Variants in ATRX observed in about 807,000 individuals in gnomAD.
The protein encoded by ATRX is ATRX chromatin remodeler.
Under a neutral mutation model 172.6 loss-of-function variants are expected in ATRX, and 12 were observed. The ratio of observed to expected loss-of-function variants is 0.07; its 90% CI spans 0.04 to 0.11. The LOEUF (loss-of-function observed/expected upper bound fraction) is 0.11, where lower values mean the gene tolerates loss of function less well. Ranked by LOEUF, ATRX falls within the 10% of genes least tolerant of loss-of-function variation. The probability of loss-of-function intolerance (pLI) is 1.00; values close to 1 mark genes in which losing one functional copy is unlikely to be tolerated. For synonymous variants in ATRX, 674 were observed against 594.7 expected, an observed-to-expected ratio of 1.13 and a Z score of -1.94; for missense variants, 1,368 against 1,767.4, an observed-to-expected ratio of 0.77 and a Z score of 4.05.
At chrX:77,620,325 T>C in intron 20 of ATRX, 70 bp downstream of exon 20, 1 of 1,114,490 alleles carries the variant, frequency 9.0e-7, no homozygotes, top group Non-Finnish European at 1.2e-6. Context: ...GAAAGGTAAA[T>C]GGTAACGTTA....
rs45481398 is a variant in ATRX at position 77,664,888 on chromosome X, T to C, written c.3810-110A>G. On this transcript the variant is annotated intron_variant, in intron 10 of 34. Coordinates refer to ENST00000373344, the MANE Select transcript of ATRX (RefSeq NM_000489.6). Reference sequence around the variant, plus strand: ...ATCAAAATAGAAATAAATGTGCCAATAGATTTTATATTGTAAATAAACAAC... The same window carrying C: ...ATCAAAATAGAAATAAATGTGCCAACAGATTTTATATTGTAAATAAACAAC... The C allele has an allele frequency of 2.8e-3, 2,154 of 765,668 alleles. 55 individuals are homozygous for C. In the East Asian group the frequency reaches 0.069, roughly 24 times the overall value. The allele number at this position is 765,668 out of a possible 1,213,427, so 63.1% of individuals were successfully genotyped here.
In ATRX at chrX:77,777,035, C is replaced by A. The variant is rs146808659; in HGVS notation, c.20+8947G>T. 6.4e-4 allele frequency among the ~76,000 whole-genome samples: 70 copies of A among 109,383 alleles called. 1 individual carries two copies. The East Asian group carries it at 0.018, about 28-fold the overall frequency. 95.0% of individuals were successfully genotyped at this position (109,383 alleles called of 115,157 possible). On this transcript the variant is annotated intron_variant, in intron 1 of 34. Coordinates refer to ENST00000373344, the MANE Select transcript of ATRX (RefSeq NM_000489.6). ...ACTACAGTGCAAAAGCAGCCACAGA[C>A]AATGTAAATAAATGGACATAGGTGT...
intron 22 of ATRX, among the ~76,000 whole-genome samples, chrX:77,614,491 C>T (rs936724433): frequency 3.6e-5 from 4 of 112,123 alleles, no homozygotes; most frequent in Non-Finnish European, 7.5e-5. Context: ...TAGATATTTA[C>T]TCCTATCAAT....
At chrX:77,535,215 G>T (rs1602417172) in intron 30 of ATRX, among the ~76,000 whole-genome samples, 1 of 111,873 alleles carries the variant, frequency 8.9e-6, no homozygotes, top group East Asian at 2.8e-4. Flanking sequence ...CCTTGTATCA[G>T]ATTTTTTGGT....
intron 27 of ATRX, among the ~76,000 whole-genome samples, chrX:77,584,884 G>A (rs1356361361): frequency 9.0e-6 from 1 of 110,873 alleles, no homozygotes; most frequent in Non-Finnish European, 1.9e-5. Context: ...CACAGGATGG[G>A]AGAAAATATA....
chrX:77,702,473 T>C (rs1222114865), intron 2 of ATRX, among the ~76,000 whole-genome samples: 6 of 110,557 alleles, frequency 5.4e-5, no homozygotes, highest in Non-Finnish European at 1.1e-4. Flanking sequence ...AAAAGAACTA[T>C]GGGAATAAAA....
chrX:77,514,062 G>C lies in ATRX; in HGVS notation c.7201-5433C>G, dbSNP rs371996267. On this transcript the variant is annotated intron_variant, in intron 34 of 34. Transcript: ENST00000373344. ...AATACAGCTAACCAGGGAGGTAAAA[G>C]GTCTCTACAATGAGAACTCCAAAAG... is the stretch of plus-strand genomic sequence containing the variant. Among the ~76,000 whole-genome samples the C allele has an allele frequency of 4.5e-5, 5 of 111,114 alleles. No homozygotes were observed. The East Asian group carries it at 1.1e-3, about 25-fold the overall frequency.
At chrX:77,776,080 T>G (rs1454463956) in intron 1 of ATRX, among the ~76,000 whole-genome samples, 1 of 112,266 alleles carries the variant, frequency 8.9e-6, no homozygotes, top group Non-Finnish European at 1.9e-5. Context: ...GAGACACTGC[T>G]GAGAAAGCTG....
intron 3 of ATRX, 59 bp downstream of exon 3, chrX:77,698,515 G>A (rs1192366253): frequency 9.5e-7 from 1 of 1,049,792 alleles, no homozygotes; most frequent in East Asian, 3.0e-5. Flanking sequence ...GCAATCTAAA[G>A]ACATATGCTC....
chrX:77,742,653 A>G (rs1469544708), intron 1 of ATRX, among the ~76,000 whole-genome samples: 1 of 111,810 alleles, frequency 8.9e-6, no homozygotes, highest in African/African-American at 3.3e-5. Context: ...GCAAAAACCA[A>G]AATCTAGGAA....
chrX:77,728,770 T>TG (rs2074164945), intron 1 of ATRX, among the ~76,000 whole-genome samples: 2 of 106,605 alleles, frequency 1.9e-5, no homozygotes, highest in Non-Finnish European at 3.9e-5. Context: ...TTTTCTTTTT[T>TG]TTTTTTTGAG....
chrX:77,510,880 G>C (rs1321105686), intron 34 of ATRX, among the ~76,000 whole-genome samples: 1 of 112,868 alleles, frequency 8.9e-6, no homozygotes, highest in African/African-American at 3.2e-5. Context: ...CAGCCCAGAA[G>C]GGAAGGACAC....
intron 19 of ATRX, among the ~76,000 whole-genome samples, chrX:77,621,297 TA>T (rs1394379592): frequency 8.1e-5 from 9 of 111,681 alleles, no homozygotes; most frequent in African/African-American, 2.9e-4. Context: ...ATAACATACA[TA>T]TTTTTTTTCT....
chrX:77,681,767 T>C lies in ATRX; in HGVS notation c.3489A>G (p.Glu1163=). 2 of 1,200,052 alleles carry C rather than the reference T, an allele frequency of 1.7e-6. No homozygotes were observed. The highest frequency in any genetic ancestry group is 2.2e-6 in the Non-Finnish European group (2 of 892,331). The change falls in exon 9 of 35, where the codon GAA becomes GAG. Residue 1163 remains glutamate (E), a synonymous_variant. Transcript: ENST00000373344. The stretch of plus-strand genomic sequence containing the variant: ...TTCTTTGCTTCTTCTTTTTATTATC[T>C]TCAGAACTTTCCTCAGCATCAGATG... The part of the protein sequence containing the change: ...SSSSDAEESS[E]DNKKKKQRTS...
intron 1 of ATRX, among the ~76,000 whole-genome samples, chrX:77,736,178 C>T (rs1257961728): frequency 1.8e-5 from 2 of 111,094 alleles, no homozygotes; most frequent in African/African-American, 6.5e-5. Context: ...TGAACAATAC[C>T]CCACAAGCAC....
chrX:77,586,199 C>T (rs151258270), intron 27 of ATRX, among the ~76,000 whole-genome samples: 48 of 112,092 alleles, frequency 4.3e-4, no homozygotes, highest in African/African-American at 1.5e-3. Flanking sequence ...ATCCCATTTA[C>T]CCTGATGTAA....
chrX:77,696,762 C>T (rs1557150164), intron 4 of ATRX, 58 bp from the exon 5 acceptor site: 4 of 1,108,065 alleles, frequency 3.6e-6, no homozygotes, highest in Non-Finnish European at 4.9e-6. Flanking sequence ...GAACAATACC[C>T]AAAGAACATA....
At chrX:77,572,489 G>A (rs2065452072) in intron 28 of ATRX, among the ~76,000 whole-genome samples, 1 of 111,363 alleles carries the variant, frequency 9.0e-6, no homozygotes. Flanking sequence ...TTTGGCATAT[G>A]TTTAGGGGTA....
chrX:77,687,634 A>G lies in ATRX; in HGVS notation c.594+1184T>C, dbSNP rs1474585998. Among the ~76,000 whole-genome samples, 5 of 112,090 alleles carry G rather than the reference A, an allele frequency of 4.5e-5. No homozygotes were observed. The South Asian group carries it at 1.1e-3, about 25-fold the overall frequency. On this transcript the variant is annotated intron_variant, in intron 7 of 34. Transcript: ENST00000373344. ...GGCAAATACATGTCACAAATCCAGC[A>G]ATATTAGATTCTACTGTCACAATTT...
Sources: allele counts gnomAD v4.1 joint callset (sites outside exome capture counted in the v4.1 genomes callset), GRCh38; gene constraint gnomAD v4.1.1; transcripts MANE v1.5; gene names NCBI Gene and HGNC (gene_info 2026-07-23, HGNC 2026-07-21).